The following PXYLP1 variants were observed in gnomAD, a reference collection of about 807,000 sequenced individuals.
PXYLP1 encodes the protein acid phosphatase-like 2.
A neutral mutation model predicts 37.9 loss-of-function variants in PXYLP1; 17 were observed. That is an observed-to-expected ratio of 0.45 (90% CI 0.31 to 0.67). The LOEUF (loss-of-function observed/expected upper bound fraction) is 0.67, where lower values mean the gene tolerates loss of function less well. Ranked by LOEUF, PXYLP1 falls within the 30% of genes least tolerant of loss-of-function variation. PXYLP1 has a pLI of 0.07. For missense variants in PXYLP1, 511 were observed against 612.0 expected (o/e 0.84, Z 1.74); for synonymous variants, 221 against 232.2 (o/e 0.95, Z 0.44).
chr3:141,264,137 A>T (rs1308458416), intron 2 of PXYLP1, among the ~76,000 whole-genome samples: 1 of 151,438 alleles, frequency 6.6e-6, no homozygotes, highest in African/African-American at 2.5e-5. Flanking sequence ...AGTCGAAGGA[A>T]ATGCTGAAGG....
chr3:141,271,050 CCTGCT>C (rs1163598342), intron 2 of PXYLP1, among the ~76,000 whole-genome samples: 1 of 152,204 alleles, frequency 6.6e-6, no homozygotes, highest in African/African-American at 2.4e-5. Flanking sequence ...GCCACCATAT[CCTGCT>C]CACTTTTTAA....
rs1389659614 is a variant in PXYLP1, at chr3:141,278,472, C to A, written c.210C>A (p.Ile70=). ...ATGAAGCTCTTTTGTACTGCAACAT[C>A]CCCAGCGTGGCCGAGCGCAGCATGG... The part of the protein sequence containing the change: ...PVYEALLYCN[I]PSVAERSMEG... Residue 70 remains isoleucine (I), a synonymous_variant, in exon 3 of 6, where the codon ATC becomes ATA. Coordinates refer to ENST00000286353, the MANE Select transcript of PXYLP1 (RefSeq NM_001037172.3). 6.2e-7 allele frequency: 1 copy of A among 1,614,208 alleles called. No homozygotes were observed. Among genetic ancestry groups the A allele is most frequent in the Admixed American group, 1.7e-5 (1 of 60,028 alleles).
chr3:141,268,586 G>T (rs1345656027), intron 2 of PXYLP1, among the ~76,000 whole-genome samples: 1 of 152,222 alleles, frequency 6.6e-6, no homozygotes, highest in Non-Finnish European at 1.5e-5. Context: ...CAGAGGCAGA[G>T]CCCTGTTATG....
intron 2 of PXYLP1, among the ~76,000 whole-genome samples, chr3:141,263,614 C>T (rs1576589712): frequency 6.6e-6 from 1 of 151,618 alleles, no homozygotes; most frequent in South Asian, 2.1e-4. Context: ...TAATCATTCA[C>T]TTCCCTCCTT....
At chr3:141,265,232 A>G (rs1316428371) in intron 2 of PXYLP1, among the ~76,000 whole-genome samples, 1 of 152,132 alleles carries the variant, frequency 6.6e-6, no homozygotes, top group Non-Finnish European at 1.5e-5. Flanking sequence ...AGCGAGGAAG[A>G]CACCATCAGA....
intron 1 of PXYLP1, among the ~76,000 whole-genome samples, chr3:141,236,010 G>A (rs1175825865): frequency 4.6e-5 from 7 of 152,196 alleles, no homozygotes; most frequent in Non-Finnish European, 1.0e-4. Flanking sequence ...TGATTAAAAA[G>A]GCATGGAAGA....
intron 2 of PXYLP1, among the ~76,000 whole-genome samples, chr3:141,271,994 A>C (rs1045530489): frequency 6.6e-5 from 10 of 152,218 alleles, no homozygotes; most frequent in African/African-American, 2.4e-4. Flanking sequence ...ATTGTGCTCC[A>C]TTAAAGTCAG....
rs75303536 is a variant in PXYLP1 at position 141,294,002 on chromosome 3, T to C, written c.*797T>C. On this transcript the variant is annotated 3_prime_UTR_variant, in exon 6 of 6. Transcript: ENST00000286353. ...CTGACACTAGAACAAAACTTGAGGGTAAATAAACATTGAATTAGAATGAAT... is the reference window on the plus strand; with the variant it reads ...CTGACACTAGAACAAAACTTGAGGGCAAATAAACATTGAATTAGAATGAAT... 1 of 152,198 alleles carries C rather than the reference T, an allele frequency of 6.6e-6. No individual in the cohort carries two copies. Among genetic ancestry groups the C allele is most frequent in the African/African-American group, 2.4e-5 (1 of 41,450 alleles). 9.4% of individuals were successfully genotyped at this position (152,198 alleles called of 1,614,324 possible).
chr3:141,290,167 C>G (rs1942167461), intron 5 of PXYLP1, among the ~76,000 whole-genome samples: 1 of 152,202 alleles, frequency 6.6e-6, no homozygotes, highest in Non-Finnish European at 1.5e-5. Context: ...GTTGAAGATG[C>G]TTTGGCAGCT....
chr3:141,288,975 CAAATG>C (rs1942138811), intron 5 of PXYLP1, among the ~76,000 whole-genome samples: 1 of 152,172 alleles, frequency 6.6e-6, no homozygotes, highest in South Asian at 2.1e-4. Flanking sequence ...CCAGCGATAA[CAAATG>C]AAAAGAAACT....
chr3:141,288,028 A>G (rs1576607930), intron 5 of PXYLP1, among the ~76,000 whole-genome samples: 1 of 152,214 alleles, frequency 6.6e-6, no homozygotes, highest in Admixed American at 6.5e-5. Context: ...GCACATTTCT[A>G]CTGCATGTGG....
intron 1 of PXYLP1, chr3:141,234,775 G>A (rs1940619578): frequency 6.6e-6 from 1 of 152,302 alleles, no homozygotes; most frequent in South Asian, 2.1e-4. Context: ...CTTTTTTTGT[G>A]GGGGAATCTG....
At chr3:141,245,750 T>C (rs1028718540) in intron 1 of PXYLP1, among the ~76,000 whole-genome samples, 4 of 152,236 alleles carry the variant, frequency 2.6e-5, no homozygotes, top group African/African-American at 7.2e-5. Flanking sequence ...CACGGGCTCA[T>C]CTCTTAGGTA....
chr3:141,268,190 AGAGAGAGAGAGAGAGAGTGT>A (rs1461512810), intron 2 of PXYLP1, among the ~76,000 whole-genome samples: 1,269 of 99,330 alleles, frequency 0.013, 6 homozygotes, highest in Non-Finnish European at 0.014. Context: ...AGAGAGAGAG[AGAGAGAGAGAGAGAGAGTGT>A]GTGTGTGTGT....
intron 2 of PXYLP1, among the ~76,000 whole-genome samples, chr3:141,267,759 A>G (rs1253778576): frequency 1.3e-5 from 2 of 152,114 alleles, no homozygotes; most frequent in African/African-American, 4.8e-5. Context: ...GCAAGCTGAG[A>G]ATGGACACAT....
chr3:141,255,003 C>T (rs551996834), intron 1 of PXYLP1, among the ~76,000 whole-genome samples: 1 of 152,178 alleles, frequency 6.6e-6, no homozygotes, highest in African/African-American at 2.4e-5. Context: ...AGGCTTGGGC[C>T]CTGGAACTCT....
At chr3:141,266,446 T>C (rs1303023261) in intron 2 of PXYLP1, among the ~76,000 whole-genome samples, 2 of 151,822 alleles carry the variant, frequency 1.3e-5, no homozygotes, top group Non-Finnish European at 2.9e-5. Flanking sequence ...GCGGTGCAGA[T>C]GGAAGAGAGA....
chr3:141,269,893 G>T (rs1397374602), intron 2 of PXYLP1, among the ~76,000 whole-genome samples: 1 of 152,278 alleles, frequency 6.6e-6, no homozygotes, highest in Non-Finnish European at 1.5e-5. Flanking sequence ...TCCCAGAAGA[G>T]TGTGGGGTTT....
chr3:141,252,441 G>A (rs924138609), intron 1 of PXYLP1, among the ~76,000 whole-genome samples: 1 of 152,146 alleles, frequency 6.6e-6, no homozygotes, highest in Non-Finnish European at 1.5e-5. Flanking sequence ...CATGGTGGAA[G>A]GCAAAGGGGG....
Sources: gnomAD v4.1 joint callset for allele counts (sites outside exome capture counted in the v4.1 genomes callset) on GRCh38, gnomAD v4.1.1 for gene constraint, MANE v1.5 for transcripts, NCBI Gene and HGNC (gene_info 2026-07-23, HGNC 2026-07-21) for gene names.